HEMK2: variants seen among roughly 807,000 people sequenced by gnomAD.
HEMK2 encodes methyltransferase HEMK2.
the HEMK2 span, among the ~76,000 whole-genome samples, chr21:28,869,295 T>C: frequency 2.6e-5 from 4 of 152,240 alleles, no homozygotes; most frequent in Non-Finnish European, 5.9e-5. Context: ...AAACCGTGGT[T>C]ACATTCCTGG....
the HEMK2 span, among the ~76,000 whole-genome samples, chr21:28,618,623 T>C: frequency 6.6e-6 from 1 of 152,196 alleles, no homozygotes; most frequent in African/African-American, 2.4e-5. Flanking sequence ...AAAATTACCA[T>C]GTAAATTGAT....
chr21:28,740,070 G>A, the HEMK2 span, among the ~76,000 whole-genome samples: 6 of 152,140 alleles, frequency 3.9e-5, no homozygotes, highest in East Asian at 1.2e-3. Flanking sequence ...GAGTTCCCTT[G>A]ATATGCGTTT....
At chr21:28,587,140 G>A in the HEMK2 span, among the ~76,000 whole-genome samples, 1 of 150,872 alleles carries the variant, frequency 6.6e-6, no homozygotes, top group Non-Finnish European at 1.5e-5. Flanking sequence ...GTAACACATG[G>A]GAAATGGAGT....
the HEMK2 span, among the ~76,000 whole-genome samples, chr21:28,658,435 C>A: frequency 6.6e-6 from 1 of 151,938 alleles, no homozygotes; most frequent in African/African-American, 2.4e-5. Flanking sequence ...TAAATACAAC[C>A]CACTTCAAGT....
the HEMK2 span, among the ~76,000 whole-genome samples, chr21:28,787,236 C>T: frequency 6.6e-6 from 1 of 152,146 alleles, no homozygotes; most frequent in Non-Finnish European, 1.5e-5. Flanking sequence ...GGACTTAAAC[C>T]TAAGACCTGA....
chr21:28,857,103 TAC>T, the HEMK2 span, among the ~76,000 whole-genome samples: 2 of 152,242 alleles, frequency 1.3e-5, no homozygotes, highest in South Asian at 2.1e-4. Context: ...CCATGTGTTT[TAC>T]ACAGAGTTTA....
At chr21:28,777,294 G>A in the HEMK2 span, among the ~76,000 whole-genome samples, 10 of 152,144 alleles carry the variant, frequency 6.6e-5, no homozygotes, top group Non-Finnish European at 4.4e-5. Context: ...TCCAAACATG[G>A]TATTGGCAGC....
the HEMK2 span, among the ~76,000 whole-genome samples, chr21:28,657,098 T>C: frequency 6.6e-6 from 1 of 152,102 alleles, no homozygotes; most frequent in African/African-American, 2.4e-5. Context: ...TTTCTCAACA[T>C]TATATTAAAC....
the HEMK2 span, among the ~76,000 whole-genome samples, chr21:28,709,648 T>G: frequency 6.6e-6 from 1 of 152,162 alleles, no homozygotes; most frequent in Non-Finnish European, 1.5e-5. Context: ...CTTTTCCTTG[T>G]CTGTCTTCCT....
At chr21:28,818,357 T>C in the HEMK2 span, among the ~76,000 whole-genome samples, 1 of 152,314 alleles carries the variant, frequency 6.6e-6, no homozygotes, top group East Asian at 1.9e-4. Flanking sequence ...GGACTTGGAC[T>C]AGCTTCCTTG....
At chr21:28,686,645 C>T in the HEMK2 span, among the ~76,000 whole-genome samples, 236 of 152,294 alleles carry the variant, frequency 1.5e-3, 1 homozygote, top group Non-Finnish European at 1.9e-3. Context: ...ACTATTTGTT[C>T]TGTGTGCTGG....
At chr21:28,831,067 A>C in the HEMK2 span, among the ~76,000 whole-genome samples, 2 of 152,164 alleles carry the variant, frequency 1.3e-5, no homozygotes, top group Non-Finnish European at 2.9e-5. Context: ...GTAAAGGAGT[A>C]GAAATCAATT....
the HEMK2 span, among the ~76,000 whole-genome samples, chr21:28,814,879 G>C: frequency 6.6e-6 from 1 of 151,962 alleles, no homozygotes; most frequent in Non-Finnish European, 1.5e-5. Context: ...CCCATTACTG[G>C]GTATATACCC....
At chr21:28,668,675 C>A in the HEMK2 span, among the ~76,000 whole-genome samples, 1 of 152,176 alleles carries the variant, frequency 6.6e-6, no homozygotes, top group African/African-American at 2.4e-5. Flanking sequence ...AACAATAATA[C>A]AATCAATCAC....
chr21:28,718,617 TA>T, the HEMK2 span, among the ~76,000 whole-genome samples: 82,838 of 150,128 alleles, frequency 0.55, 25,009 homozygotes, highest in East Asian at 0.84. Flanking sequence ...ATCTCCACTT[TA>T]AAAAAAAAAA....
chr21:28,668,618 G>T, the HEMK2 span, among the ~76,000 whole-genome samples: 1 of 152,180 alleles, frequency 6.6e-6, no homozygotes, highest in Admixed American at 6.5e-5. Context: ...ATGTAACAAG[G>T]AAGTACATGC....
the HEMK2 span, among the ~76,000 whole-genome samples, chr21:28,606,230 T>C: frequency 1.3e-5 from 2 of 152,036 alleles, no homozygotes; most frequent in African/African-American, 4.8e-5. Flanking sequence ...TTTCTAAAAA[T>C]GGGAAACAAA....
chr21:28,687,091 C>T, the HEMK2 span, among the ~76,000 whole-genome samples: 4 of 152,178 alleles, frequency 2.6e-5, no homozygotes, highest in Non-Finnish European at 4.4e-5. Flanking sequence ...ACAGTGGGCC[C>T]CTCTCACATT....
chr21:28,687,155 C>T, the HEMK2 span, among the ~76,000 whole-genome samples: 1 of 152,206 alleles, frequency 6.6e-6, no homozygotes, highest in African/African-American at 2.4e-5. Flanking sequence ...TATCTGGCCA[C>T]ATATAAAGTT....
Sources: allele counts gnomAD v4.1 joint callset (sites outside exome capture counted in the v4.1 genomes callset), GRCh38; gene constraint gnomAD v4.1.1; transcripts MANE v1.5; gene names NCBI Gene and HGNC (gene_info 2026-07-23, HGNC 2026-07-21).